Variants in WDR36 observed in about 807,000 individuals in gnomAD.
The protein encoded by WDR36 is WD repeat domain 36.
A neutral mutation model predicts 112.7 loss-of-function variants in WDR36; 63 were observed. The ratio of observed to expected loss-of-function variants is 0.56; its 90% confidence interval spans 0.46 to 0.69. The LOEUF is 0.69. WDR36 is among the 30% of genes least tolerant of loss of function. The pLI is 0.00. For synonymous variants in WDR36, 410 were observed against 362.2 expected, an observed-to-expected ratio of 1.13 and a Z score of -1.50; for missense variants, 1,226 against 1,070.3, an observed-to-expected ratio of 1.15 and a Z score of -2.03.
At chr5:111,109,362 G>A (rs1318350369) in intron 12 of WDR36, among the ~76,000 whole-genome samples, 1 of 151,348 alleles carries the variant, frequency 6.6e-6, no homozygotes, top group African/African-American at 2.4e-5. Flanking sequence ...CTAGAAAAAT[G>A]TATGTATGTA....
At chr5:111,126,149 G>A (rs1291503430) in intron 22 of WDR36, among the ~76,000 whole-genome samples, 1 of 151,972 alleles carries the variant, frequency 6.6e-6, no homozygotes, top group African/African-American at 2.4e-5. Flanking sequence ...TTGATCCAAT[G>A]TGCTGAACCA....
In WDR36 at chr5:111,127,739, A is replaced by G; in HGVS notation, c.*856A>G. 1 of 210,762 alleles carries G rather than the reference A, an allele frequency of 4.7e-6. No individual in the cohort carries two copies. The highest frequency in any genetic ancestry group is 9.6e-6 in the Non-Finnish European group (1 of 103,796). 13.1% of individuals were successfully genotyped at this position (210,762 alleles called of 1,614,324 possible). A position where few individuals can be genotyped will look rare whatever the true frequency, so the allele number is the denominator to read the frequency against. Reference sequence around the variant, plus strand: ...CCAAGGATAGGTAAGGGAAATTCCAAATTCCATTGGAAGATGGCCTTTTAC... The same window carrying G: ...CCAAGGATAGGTAAGGGAAATTCCAGATTCCATTGGAAGATGGCCTTTTAC... On this transcript the variant is annotated 3_prime_UTR_variant, in exon 23 of 23. Coordinates refer to ENST00000513710, the MANE Select transcript of WDR36 (RefSeq NM_139281.3).
chr5:111,125,628 C>T lies in WDR36; in HGVS notation c.2371C>T (p.Leu791=). Residue 791 remains leucine (L), a synonymous_variant, in exon 22 of 23, where the codon CTG becomes TTG. Transcript: ENST00000513710. ...NNKYDTALNL[L]KESGPSGIET... is the part of the protein sequence containing the mutation. The stretch of plus-strand genomic sequence containing the variant: ...TGCAGATGACACTGCTCTCAACCTT[C>T]TGAAAGAATCAGGCCCATCAGGAAT... 1 of 1,613,638 alleles carries T rather than the reference C, an allele frequency of 6.2e-7. No individual in the cohort carries two copies. The highest frequency in any genetic ancestry group is 1.1e-5 in the South Asian group (1 of 91,068).
chr5:111,102,994 T>G (rs930791919), intron 6 of WDR36, among the ~76,000 whole-genome samples: 1 of 151,666 alleles, frequency 6.6e-6, no homozygotes, highest in Non-Finnish European at 1.5e-5. Context: ...GTATTCCTTA[T>G]CTTCTCTTGC....
In WDR36 at chr5:111,129,929, T is replaced by C. The variant is rs536036294; in HGVS notation, c.*3046T>C. On this transcript the variant is annotated 3_prime_UTR_variant, in exon 23 of 23. Coordinates refer to ENST00000513710, the MANE Select transcript of WDR36 (RefSeq NM_139281.3). The stretch of plus-strand genomic sequence containing the variant: ...CCAATATCTGTTCAAAATTCATTTA[T>C]TGAAAAGTCCACTCATATGTCTGAT... 2 of 210,220 alleles carry C rather than the reference T, an allele frequency of 9.5e-6. No individual in the cohort carries two copies. Among genetic ancestry groups the C allele is most frequent in the African/African-American group, 2.3e-5 (1 of 44,068 alleles). 13.0% of individuals were successfully genotyped at this position (210,220 alleles called of 1,614,324 possible).
chr5:111,107,589 T>C (rs1438566214), intron 12 of WDR36, 150 bp downstream of exon 12: 1 of 940,384 alleles, frequency 1.1e-6, no homozygotes, highest in Non-Finnish European at 1.6e-6. Flanking sequence ...AAAAATTTGC[T>C]CCTGTGACTT....
At position 111,118,486 on chromosome 5, in the gene WDR36, A is replaced by G. The variant is rs552300747; in HGVS notation, c.1797-527A>G. 2.0e-5 allele frequency among the ~76,000 whole-genome samples: 3 copies of G among 152,254 alleles called. No individual in the cohort carries two copies. The South Asian group carries it at 6.2e-4, about 32-fold the overall frequency. On this transcript the variant is annotated intron_variant, in intron 16 of 22. Transcript: ENST00000513710. ...GTTCTTCTCTAGAGACTGAATTTTC[A>G]TGGTGTTTCATGTATAGCATGATTA...
At chr5:111,117,886 C>T (rs780656631) in intron 16 of WDR36, among the ~76,000 whole-genome samples, 10 of 152,128 alleles carry the variant, frequency 6.6e-5, no homozygotes, top group Non-Finnish European at 1.3e-4. Context: ...CCTAAGGGGT[C>T]TTTCAGCAGG....
In WDR36 at chr5:111,098,704, TA is replaced by T; in HGVS notation, c.292-15del. 1 of 1,473,846 alleles carries T rather than the reference TA, an allele frequency of 6.8e-7. No homozygotes were observed. The allele number at this position is 1,473,846 out of a possible 1,614,324, so 91.3% of individuals were successfully genotyped here. A position where few individuals can be genotyped will look rare whatever the true frequency, so the allele number is the denominator to read the frequency against. ...ACTGAGTAATAATATGAAATTCTTTTAAACTTCGATGTTTTAGATAGTACAT... is the reference window on the plus strand; with the variant it reads ...ACTGAGTAATAATATGAAATTCTTTTAACTTCGATGTTTTAGATAGTACAT... On this transcript the variant is annotated splice_polypyrimidine_tract_variant and intron_variant, in intron 3 of 22. Coordinates refer to ENST00000513710, the MANE Select transcript of WDR36 (RefSeq NM_139281.3).
chr5:111,109,582 A>C (rs374194360), intron 12 of WDR36, among the ~76,000 whole-genome samples: 3 of 151,428 alleles, frequency 2.0e-5, no homozygotes, highest in East Asian at 1.9e-4. Context: ...GCAGTGACCA[A>C]ATATGTAGCC....
chr5:111,102,428 G>T, intron 6 of WDR36, 29 bp downstream of exon 6: 1 of 1,600,142 alleles, frequency 6.2e-7, no homozygotes, highest in Non-Finnish European at 8.6e-7. Flanking sequence ...AGTCAAAGAG[G>T]AACAAAGTTA....
chr5:111,106,068 A>T lies in WDR36; in HGVS notation c.1105A>T (p.Lys369Ter). The change falls in exon 11 of 23, where the codon AAA becomes TAA. Residue 369 changes from lysine (K) to a stop codon, truncating the protein, a stop_gained. Coordinates refer to ENST00000513710, the MANE Select transcript of WDR36 (RefSeq NM_139281.3). LOFTEE classifies it high-confidence loss of function. Reference sequence around the variant, plus strand: ...TCCCCCATCCTTAGGATTAATAAATAAAAAGAGAGTTAAACGTAAAGGACT... The same window carrying T: ...TCCCCCATCCTTAGGATTAATAAATTAAAAGAGAGTTAAACGTAAAGGACT... ...NKSLGHGLIN[K>*]KRVKRKGLQN... The T allele has an allele frequency of 6.2e-7, 1 of 1,608,888 alleles. No homozygotes were observed. The highest frequency in any genetic ancestry group is 8.5e-7 in the Non-Finnish European group (1 of 1,176,146).
At position 111,127,796 on chromosome 5, in the gene WDR36, T is replaced by G. The variant is rs555939983; in HGVS notation, c.*913T>G. 4.7e-6 allele frequency: 1 copy of G among 211,716 alleles called. No homozygotes were observed. The highest frequency in any genetic ancestry group is 9.6e-6 in the Non-Finnish European group (1 of 104,360). 13.1% of individuals were successfully genotyped at this position (211,716 alleles called of 1,614,324 possible). On this transcript the variant is annotated 3_prime_UTR_variant, in exon 23 of 23. Transcript: ENST00000513710. ...TGCAGACATGTAGATAACAATAGTT[T>G]AATGTCCTCTGAAAAGGTAAAAATT...
At chr5:111,119,301 C>T (rs1381267813) in intron 17 of WDR36, among the ~76,000 whole-genome samples, 181 bp downstream of exon 17, 2 of 152,166 alleles carry the variant, frequency 1.3e-5, no homozygotes, top group Non-Finnish European at 2.9e-5. Context: ...ATAATGTAGA[C>T]AGCTTTGCTG....
At chr5:111,122,540 TA>T (rs913849687) in intron 19 of WDR36, among the ~76,000 whole-genome samples, 6 of 152,180 alleles carry the variant, frequency 3.9e-5, no homozygotes, top group African/African-American at 1.4e-4. Flanking sequence ...CTTATGGTTT[TA>T]ACAAATCAGT....
At chr5:111,095,190 A>T (rs904234686) in intron 2 of WDR36, 8 of 488,236 alleles carry the variant, frequency 1.6e-5, no homozygotes, top group African/African-American at 1.6e-4. Context: ...TGACATTGAC[A>T]CATTGACATT....
At chr5:111,104,483 G>A (rs1753184921) in intron 8 of WDR36, 131 bp downstream of exon 8, 2 of 1,431,050 alleles carry the variant, frequency 1.4e-6, no homozygotes, top group East Asian at 2.3e-5. Flanking sequence ...TGGTATAGAT[G>A]AAACAAAAAG....
chr5:111,092,431 T>A lies in WDR36; in HGVS notation c.-26T>A. On this transcript the variant is annotated 5_prime_UTR_variant, in exon 1 of 23. Coordinates refer to ENST00000513710, the MANE Select transcript of WDR36 (RefSeq NM_139281.3). ...ACGTGTTTTCCTTCAGGACCAGAGCTGAGAGGAGCTGGGATCGCGGCGGCA... is the reference window on the plus strand; with the variant it reads ...ACGTGTTTTCCTTCAGGACCAGAGCAGAGAGGAGCTGGGATCGCGGCGGCA... 2 of 1,614,192 alleles carry A rather than the reference T, an allele frequency of 1.2e-6. No homozygotes were observed. The highest frequency in any genetic ancestry group is 1.7e-6 in the Non-Finnish European group (2 of 1,180,030).
Position 111,097,078 on chromosome 5 carries a change from G to A in WDR36, c.191-1G>A, listed in dbSNP as rs763888403. 2 of 1,608,682 alleles carry A rather than the reference G, an allele frequency of 1.2e-6. No individual in the cohort carries two copies. Among genetic ancestry groups the A allele is most frequent in the South Asian group, 1.1e-5 (1 of 90,962 alleles). The stretch of plus-strand genomic sequence containing the variant: ...TTCTTTCATTTTGTATTTTCTGCTA[G>A]GTAATTCTGTTCCACAGGATATCTG... On this transcript the variant is annotated splice_acceptor_variant, in intron 2 of 22. Coordinates refer to ENST00000513710, the MANE Select transcript of WDR36 (RefSeq NM_139281.3). LOFTEE classifies it high-confidence loss of function.
Sources: gnomAD v4.1 joint callset for allele counts (sites outside exome capture counted in the v4.1 genomes callset) on GRCh38, gnomAD v4.1.1 for gene constraint, MANE v1.5 for transcripts, NCBI Gene and HGNC (gene_info 2026-07-23, HGNC 2026-07-21) for gene names.